TMEM132D: variants seen among roughly 807,000 people sequenced by gnomAD.
TMEM132D encodes mature OL transmembrane protein.
Under a neutral mutation model 62.3 loss-of-function variants are expected in TMEM132D, and 21 were observed. The ratio of observed to expected loss-of-function variants is 0.34; its 90% CI spans 0.24 to 0.49. The LOEUF is 0.49. Ranked by LOEUF, TMEM132D falls within the 20% of genes least tolerant of loss-of-function variation. The pLI, the probability that TMEM132D is intolerant of heterozygous loss-of-function variation, is 0.99. For missense variants in TMEM132D, 1,346 were observed against 1,402.8 expected, an observed-to-expected ratio of 0.96 and a Z score of 0.65; for synonymous variants, 621 against 575.6, an observed-to-expected ratio of 1.08 and a Z score of -1.13.
chr12:129,402,472 G>A (rs948600514), intron 3 of TMEM132D, among the ~76,000 whole-genome samples: 5 of 152,152 alleles, frequency 3.3e-5, no homozygotes, highest in Admixed American at 2.0e-4. Flanking sequence ...CACTGTACAC[G>A]GGTCTGTGAG....
intron 4 of TMEM132D, among the ~76,000 whole-genome samples, chr12:129,268,402 G>A (rs1278732173): frequency 6.6e-6 from 1 of 152,168 alleles, no homozygotes; most frequent in Non-Finnish European, 1.5e-5. Flanking sequence ...CTCAAAAGAA[G>A]ACATTTATGC....
intron 3 of TMEM132D, among the ~76,000 whole-genome samples, chr12:129,507,593 G>T (rs1327928944): frequency 6.6e-6 from 1 of 152,118 alleles, no homozygotes; most frequent in East Asian, 1.9e-4. Context: ...AATTCTAAGT[G>T]AAGTAACTCA....
chr12:129,383,968 T>C (rs1055817202), intron 3 of TMEM132D, among the ~76,000 whole-genome samples: 1 of 152,192 alleles, frequency 6.6e-6, no homozygotes, highest in Non-Finnish European at 1.5e-5. Flanking sequence ...AGTCACCCAG[T>C]ATCCTCTGCC....
At position 129,829,607 on chromosome 12, in the gene TMEM132D, G is replaced by T. The variant is rs116426480; in HGVS notation, c.79+73654C>A. On this transcript the variant is annotated intron_variant, in intron 1 of 8. Transcript: ENST00000422113. ...AGTCTCCAGACCTGGGGTAACAGCT[G>T]AGTCACCTTAGCCCCGTGTTTTCCC... Among the ~76,000 whole-genome samples the T allele has an allele frequency of 5.4e-3, 823 of 152,248 alleles. 15 individuals are homozygous for T. Among genetic ancestry groups the T allele is most frequent in the African/African-American group, 0.019 (785 of 41,556 alleles).
chr12:129,141,007 A>C (rs756814880), intron 5 of TMEM132D, among the ~76,000 whole-genome samples: 3 of 152,186 alleles, frequency 2.0e-5, no homozygotes, highest in Admixed American at 6.5e-5. Context: ...GTCATTGGGA[A>C]TAATATTAAA....
At chr12:129,465,505 T>A (rs1352044141) in intron 3 of TMEM132D, among the ~76,000 whole-genome samples, 3 of 152,174 alleles carry the variant, frequency 2.0e-5, no homozygotes, top group Non-Finnish European at 2.9e-5. Flanking sequence ...GGAAGTCAAA[T>A]TGTCCCTGTT....
chr12:129,320,739 A>G (rs1250676373), intron 4 of TMEM132D, among the ~76,000 whole-genome samples: 2 of 152,210 alleles, frequency 1.3e-5, no homozygotes, highest in Non-Finnish European at 2.9e-5. Context: ...AAACATTTGT[A>G]ATGGTTTACA....
intron 8 of TMEM132D, among the ~76,000 whole-genome samples, chr12:129,077,122 T>C (rs1375921480): frequency 6.6e-6 from 1 of 152,142 alleles, no homozygotes; most frequent in Non-Finnish European, 1.5e-5. Context: ...ATGTGACAGG[T>C]GCAGGCTGGG....
intron 2 of TMEM132D, among the ~76,000 whole-genome samples, chr12:129,602,132 T>C (rs745698324): frequency 2.0e-5 from 3 of 152,168 alleles, no homozygotes; most frequent in Admixed American, 6.5e-5. Flanking sequence ...TGGTTCTTCA[T>C]TGGCAGAACA....
intron 2 of TMEM132D, among the ~76,000 whole-genome samples, chr12:129,555,134 C>T (rs1295961296): frequency 6.6e-6 from 1 of 152,164 alleles, no homozygotes; most frequent in Non-Finnish European, 1.5e-5. Context: ...GATTGCAATG[C>T]CTTCATTTCC....
At chr12:129,296,038 GCA>G (rs918758404) in intron 4 of TMEM132D, among the ~76,000 whole-genome samples, 1 of 150,696 alleles carries the variant, frequency 6.6e-6, no homozygotes, top group Non-Finnish European at 1.5e-5. Context: ...ATATGAACAT[GCA>G]CACACATATA....
intron 5 of TMEM132D, among the ~76,000 whole-genome samples, chr12:129,206,448 A>G (rs949729251): frequency 6.6e-6 from 1 of 152,236 alleles, no homozygotes; most frequent in African/African-American, 2.4e-5. Context: ...AAAGTCAAAA[A>G]ATAGCAGATG....
chr12:129,137,359 A>C (rs1449039334), intron 5 of TMEM132D, among the ~76,000 whole-genome samples: 1 of 152,186 alleles, frequency 6.6e-6, no homozygotes, highest in Admixed American at 6.5e-5. Context: ...TCACTAACTC[A>C]ATAAATGCCC....
chr12:129,542,847 A>G (rs1049035181), intron 2 of TMEM132D, among the ~76,000 whole-genome samples: 1 of 152,076 alleles, frequency 6.6e-6, no homozygotes, highest in African/African-American at 2.4e-5. Flanking sequence ...CTATGTTTAC[A>G]TATGTTTAGA....
At chr12:129,563,258 T>A (rs905373926) in intron 2 of TMEM132D, among the ~76,000 whole-genome samples, 1 of 152,224 alleles carries the variant, frequency 6.6e-6, no homozygotes, top group Non-Finnish European at 1.5e-5. Context: ...TCCATTTTCA[T>A]AAAACCTTCA....
intron 1 of TMEM132D, among the ~76,000 whole-genome samples, chr12:129,828,779 AAAAGGAGGGAG>A (rs1872741407): frequency 2.0e-4 from 1 of 5,096 alleles, no homozygotes; most frequent in Non-Finnish European, 3.8e-4. Context: ...AGGGAGGAAG[AAAAGGAGGGAG>A]GGAGGGAGGG....
rs531046983 is a variant in TMEM132D, at chr12:129,518,420, G to A, written c.1115+12639C>T. On this transcript the variant is annotated intron_variant, in intron 3 of 8. Coordinates refer to ENST00000422113, the MANE Select transcript of TMEM132D (RefSeq NM_133448.3). ...TCAAAATTTTATGGTTTGAATTCAG[G>A]AGGAAATAAATATCAGTCACAATTT... is the stretch of plus-strand genomic sequence containing the variant. Among the ~76,000 whole-genome samples, 4 of 152,042 alleles carry A rather than the reference G, an allele frequency of 2.6e-5. No individual in the cohort carries two copies. In the East Asian group the frequency reaches 7.7e-4, roughly 29 times the overall value.
chr12:129,084,329 A>C (rs1373569804), intron 6 of TMEM132D, among the ~76,000 whole-genome samples, 168 bp downstream of exon 6: 1 of 152,156 alleles, frequency 6.6e-6, no homozygotes, highest in African/African-American at 2.4e-5. Flanking sequence ...AACCTCCCGA[A>C]AAACGCTGAT....
chr12:129,231,417 T>C (rs978468383), intron 4 of TMEM132D, among the ~76,000 whole-genome samples: 5 of 152,192 alleles, frequency 3.3e-5, no homozygotes, highest in African/African-American at 4.8e-5. Context: ...CTGGCTGGAA[T>C]TGGCAAATCT....
Sources: gnomAD v4.1 joint callset for allele counts (sites outside exome capture counted in the v4.1 genomes callset) on GRCh38, gnomAD v4.1.1 for gene constraint, MANE v1.5 for transcripts, NCBI Gene and HGNC (gene_info 2026-07-23, HGNC 2026-07-21) for gene names.